Variants in EPHB1 observed in about 807,000 individuals in gnomAD.
The protein encoded by EPHB1 is EPH receptor B1.
EPHB1 carries 30 observed loss-of-function variants against 94.4 expected under a neutral mutation model. That is an observed-to-expected ratio of 0.32 (90% CI 0.24 to 0.43). The LOEUF (loss-of-function observed/expected upper bound fraction) is 0.43, where lower values mean the gene tolerates loss of function less well. Among genes scored for constraint, EPHB1 ranks in the 20% least tolerant of loss-of-function variants. The pLI, the probability that EPHB1 is intolerant of heterozygous loss-of-function variation, is 1.00. For missense variants in EPHB1, 1,055 were observed against 1,308.3 expected, an observed-to-expected ratio of 0.81 and a Z score of 2.99; for synonymous variants, 522 against 489.1, an observed-to-expected ratio of 1.07 and a Z score of -0.89.
chr3:135,101,733 T>C (rs1939043684), intron 3 of EPHB1, among the ~76,000 whole-genome samples: 1 of 152,308 alleles, frequency 6.6e-6, no homozygotes, highest in East Asian at 1.9e-4. Context: ...TGAGAAAGTA[T>C]AGCATAAGTG....
In EPHB1 at chr3:134,955,546, T is replaced by C. The variant is rs1207780894; in HGVS notation, c.805+3494T>C. On this transcript the variant is annotated intron_variant, in intron 3 of 15. Coordinates refer to ENST00000398015, the MANE Select transcript of EPHB1 (RefSeq NM_004441.5). ...GTGGGACTGTAAACTAGTTCAACCA[T>C]TGTGGAAGTCAGTGTGGCGATTCCT... 2.9e-5 allele frequency among the ~76,000 whole-genome samples: 3 copies of C among 103,474 alleles called. 1 individual carries two copies. In the Admixed American group the frequency reaches 3.1e-4, roughly 11 times the overall value. 67.9% of individuals were successfully genotyped at this position (103,474 alleles called of 152,430 possible).
At chr3:134,821,388 G>GA (rs1560248449) in intron 1 of EPHB1, among the ~76,000 whole-genome samples, 1 of 151,290 alleles carries the variant, frequency 6.6e-6, no homozygotes, top group African/African-American at 2.4e-5. Context: ...TAAAGTTAAG[G>GA]AAAAAATATT....
intron 3 of EPHB1, among the ~76,000 whole-genome samples, chr3:134,993,812 C>T (rs1189529064): frequency 6.6e-6 from 1 of 152,204 alleles, no homozygotes; most frequent in Non-Finnish European, 1.5e-5. Context: ...ATGAGCTTGC[C>T]AGCTTCATTC....
At chr3:134,816,258 T>G (rs1031357717) in intron 1 of EPHB1, among the ~76,000 whole-genome samples, 36 of 149,392 alleles carry the variant, frequency 2.4e-4, no homozygotes, top group African/African-American at 7.6e-4. Context: ...AATTTTTTTG[T>G]TTTTTTTGTA....
intron 1 of EPHB1, among the ~76,000 whole-genome samples, chr3:134,844,628 C>T (rs922207587): frequency 6.6e-5 from 10 of 152,196 alleles, no homozygotes; most frequent in Admixed American, 3.3e-4. Context: ...CTAGCAGGAC[C>T]TTCATATCAG....
intron 1 of EPHB1, among the ~76,000 whole-genome samples, chr3:134,915,380 T>TAGGC (rs1371747409): frequency 2.0e-5 from 3 of 150,042 alleles, no homozygotes; most frequent in African/African-American, 7.4e-5. Context: ...TGTGACGAGG[T>TAGGC]AGGCAGATTG....
At chr3:134,807,524 T>TGTGCGC (rs57008366) in intron 1 of EPHB1, among the ~76,000 whole-genome samples, 34 of 130,398 alleles carry the variant, frequency 2.6e-4, no homozygotes, top group African/African-American at 9.9e-4. Context: ...TGTGTGTGTG[T>TGTGCGC]GCACGTGTGT....
intron 3 of EPHB1, among the ~76,000 whole-genome samples, chr3:135,015,285 G>C (rs1471472260): frequency 6.6e-6 from 1 of 151,612 alleles, no homozygotes; most frequent in East Asian, 1.9e-4. Context: ...CCATTGCCCA[G>C]GCTGGAGTGC....
intron 6 of EPHB1, among the ~76,000 whole-genome samples, chr3:135,156,456 T>C (rs980005930): frequency 6.6e-6 from 1 of 152,206 alleles, no homozygotes; most frequent in Non-Finnish European, 1.5e-5. Flanking sequence ...TCCAGTGCCC[T>C]GTGCAGCTAA....
At chr3:134,852,495 A>G (rs2108300154) in intron 1 of EPHB1, 1 of 152,100 alleles carries the variant, frequency 6.6e-6, no homozygotes, top group South Asian at 2.1e-4. Flanking sequence ...AAGTGATGGG[A>G]TTTTGAAGAG....
At chr3:134,893,154 CA>C (rs766581628) in intron 1 of EPHB1, among the ~76,000 whole-genome samples, 26 of 152,304 alleles carry the variant, frequency 1.7e-4, no homozygotes, top group Non-Finnish European at 3.4e-4. Context: ...CTGATGGTCC[CA>C]GGGGGTGTAG....
At chr3:134,881,869 C>G (rs2037737381) in intron 1 of EPHB1, among the ~76,000 whole-genome samples, 1 of 152,124 alleles carries the variant, frequency 6.6e-6, no homozygotes, top group Admixed American at 6.5e-5. Flanking sequence ...TGACATCTGA[C>G]CATGGTTTCA....
intron 1 of EPHB1, among the ~76,000 whole-genome samples, chr3:134,830,867 G>T (rs2036569432): frequency 6.6e-6 from 1 of 152,144 alleles, no homozygotes. Flanking sequence ...CGATACAAGG[G>T]TGCTACAGAC....
chr3:135,238,680 ACT>A (rs1454959810), intron 12 of EPHB1, among the ~76,000 whole-genome samples: 2 of 151,742 alleles, frequency 1.3e-5, no homozygotes, highest in Non-Finnish European at 2.9e-5. Flanking sequence ...TCTGTCTCCC[ACT>A]CTCACACACA....
At chr3:135,218,651 C>T (rs1346129554) in intron 12 of EPHB1, among the ~76,000 whole-genome samples, 1 of 152,226 alleles carries the variant, frequency 6.6e-6, no homozygotes, top group Non-Finnish European at 1.5e-5. Flanking sequence ...CATGCAGTGC[C>T]TCTACTGGCT....
intron 12 of EPHB1, among the ~76,000 whole-genome samples, chr3:135,232,560 A>T (rs946293914): frequency 1.3e-5 from 2 of 152,202 alleles, no homozygotes; most frequent in Non-Finnish European, 2.9e-5. Context: ...TTTGCCCTCC[A>T]TTTCCTTTGG....
chr3:134,808,659 A>G (rs140388296), intron 1 of EPHB1, among the ~76,000 whole-genome samples: 2 of 152,312 alleles, frequency 1.3e-5, no homozygotes, highest in African/African-American at 2.4e-5. Flanking sequence ...TGAAGATGAA[A>G]AGATGGGGAA....
chr3:134,893,886 C>T (rs1453871804), intron 1 of EPHB1, among the ~76,000 whole-genome samples: 2 of 152,202 alleles, frequency 1.3e-5, no homozygotes, highest in East Asian at 3.8e-4. Context: ...AGCAGAGTGC[C>T]TCACAGAGCA....
At chr3:134,966,323 G>A (rs1933743244) in intron 3 of EPHB1, among the ~76,000 whole-genome samples, 1 of 152,186 alleles carries the variant, frequency 6.6e-6, no homozygotes, top group Non-Finnish European at 1.5e-5. Context: ...GGCCTTGAAG[G>A]GGCTTGGGAA....
Sources: gnomAD v4.1 joint callset for allele counts (sites outside exome capture counted in the v4.1 genomes callset) on GRCh38, gnomAD v4.1.1 for gene constraint, MANE v1.5 for transcripts, NCBI Gene and HGNC (gene_info 2026-07-23, HGNC 2026-07-21) for gene names.